The following RSRC1 variants were observed in gnomAD, a reference collection of about 807,000 sequenced individuals.
The protein encoded by RSRC1 is arginine and serine rich coiled-coil 1.
A neutral mutation model predicts 49.1 loss-of-function variants in RSRC1; 39 were observed. The observed-to-expected ratio is 0.79, with a 90% CI of 0.61 to 1.04. The LOEUF (loss-of-function observed/expected upper bound fraction) is 1.04, where lower values mean the gene tolerates loss of function less well. RSRC1 is among the 50% of genes least tolerant of loss of function. The probability of loss-of-function intolerance (pLI) is 0.00; values close to 1 mark genes in which losing one functional copy is unlikely to be tolerated. For synonymous variants in RSRC1, 143 were observed against 130.8 expected (o/e 1.09, Z -0.63); for missense variants, 388 against 402.4 (o/e 0.96, Z 0.31).
intron 4 of RSRC1, among the ~76,000 whole-genome samples, chr3:158,297,643 A>G (rs1727310765): frequency 6.6e-6 from 1 of 151,982 alleles, no homozygotes; most frequent in African/African-American, 2.4e-5. Context: ...TGTGAGTTAT[A>G]GAATCTGGGT....
chr3:158,338,122 T>C (rs1730022009), intron 5 of RSRC1, among the ~76,000 whole-genome samples: 1 of 152,206 alleles, frequency 6.6e-6, no homozygotes, highest in Non-Finnish European at 1.5e-5. Context: ...GTTTCACCTT[T>C]ATAGTTTAAC....
intron 6 of RSRC1, among the ~76,000 whole-genome samples, chr3:158,385,909 G>A (rs370910393): frequency 6.6e-5 from 10 of 152,100 alleles, no homozygotes; most frequent in African/African-American, 1.9e-4. Context: ...AGTCATTGTC[G>A]TTATCATAGA....
intron 6 of RSRC1, among the ~76,000 whole-genome samples, chr3:158,393,179 A>AT (rs1372344959): frequency 6.6e-6 from 1 of 152,158 alleles, no homozygotes; most frequent in Non-Finnish European, 1.5e-5. Flanking sequence ...TGTTAAGAGG[A>AT]AAGTTTATAG....
intron 3 of RSRC1, among the ~76,000 whole-genome samples, chr3:158,185,632 G>A (rs1197233515): frequency 2.6e-5 from 4 of 151,804 alleles, no homozygotes; most frequent in Non-Finnish European, 4.4e-5. Context: ...TCAGACTTAT[G>A]AGTGTCCATG....
At chr3:158,282,271 C>G (rs1726225452) in intron 4 of RSRC1, among the ~76,000 whole-genome samples, 1 of 152,202 alleles carries the variant, frequency 6.6e-6, no homozygotes, top group African/African-American at 2.4e-5. Context: ...ACCTTGGTAT[C>G]CACAGATTTA....
At chr3:158,428,421 A>G (rs1401378770) in intron 6 of RSRC1, among the ~76,000 whole-genome samples, 3 of 151,810 alleles carry the variant, frequency 2.0e-5, no homozygotes, top group Non-Finnish European at 4.4e-5. Flanking sequence ...GAGCTGAACA[A>G]CCTGACTCTG....
rs57257889 is a variant in RSRC1, at chr3:158,118,413, CTGTGTGTGTGTGTGTGTGTGTG to C, written c.-2-3661_-2-3640del. Among the ~76,000 whole-genome samples the C allele has an allele frequency of 2.1e-4, 19 of 90,134 alleles. 1 individual carries two copies. The highest frequency in any genetic ancestry group is 2.3e-4 in the African/African-American group (5 of 21,564). The allele number at this position is 90,134 out of a possible 152,430, so 59.1% of individuals were successfully genotyped here. On this transcript the variant is annotated intron_variant, in intron 1 of 9. Transcript: ENST00000611884. Reference sequence around the variant, plus strand: ...CATGCCTAGCTAAGTACCTGGCCTTCTGTGTGTGTGTGTGTGTGTGTGTGTGTGTGTGTGTGTGTGTGTGTGT... The same window carrying C: ...CATGCCTAGCTAAGTACCTGGCCTTCTGTGTGTGTGTGTGTGTGTGTGTGT...
At chr3:158,153,383 T>G (rs1002879723) in intron 3 of RSRC1, among the ~76,000 whole-genome samples, 1 of 152,172 alleles carries the variant, frequency 6.6e-6, no homozygotes, top group African/African-American at 2.4e-5. Flanking sequence ...CTTGAACTAT[T>G]TTAAAATTTT....
intron 6 of RSRC1, among the ~76,000 whole-genome samples, chr3:158,430,070 C>CAA (rs1288852986): frequency 8.4e-4 from 69 of 82,336 alleles, no homozygotes; most frequent in African/African-American, 3.8e-3. Context: ...AAACCACACA[C>CAA]ACAAAAAAAA....
At chr3:158,414,756 A>G (rs1734653260) in intron 6 of RSRC1, among the ~76,000 whole-genome samples, 7 of 152,096 alleles carry the variant, frequency 4.6e-5, no homozygotes. Flanking sequence ...ATTATCCATT[A>G]TTGAACTGGA....
intron 4 of RSRC1, among the ~76,000 whole-genome samples, chr3:158,218,752 C>T (rs945903490): frequency 2.0e-5 from 3 of 151,582 alleles, no homozygotes; most frequent in African/African-American, 7.3e-5. Flanking sequence ...GTAACCCAAG[C>T]AATATCTTCC....
At chr3:158,530,912 A>AC (rs1712356594) in intron 7 of RSRC1, among the ~76,000 whole-genome samples, 1 of 120,698 alleles carries the variant, frequency 8.3e-6, no homozygotes, top group Admixed American at 8.7e-5. Flanking sequence ...AAAATAATAA[A>AC]TAAAAAAAAA....
chr3:158,160,049 A>G (rs1251655211), intron 3 of RSRC1, among the ~76,000 whole-genome samples: 2 of 152,150 alleles, frequency 1.3e-5, no homozygotes, highest in Non-Finnish European at 2.9e-5. Context: ...TACTCACACT[A>G]CATTTGATGG....
chr3:158,452,026 T>C (rs772213302), intron 6 of RSRC1, among the ~76,000 whole-genome samples: 13 of 152,146 alleles, frequency 8.5e-5, no homozygotes, highest in East Asian at 1.9e-4. Context: ...TTTTGGATTT[T>C]CTGTGATTTT....
At chr3:158,517,609 T>G (rs1407933520) in intron 7 of RSRC1, among the ~76,000 whole-genome samples, 3 of 143,640 alleles carry the variant, frequency 2.1e-5, no homozygotes, top group Non-Finnish European at 4.6e-5. Flanking sequence ...TTTTTTTTTT[T>G]AGAGACAGGG....
chr3:158,175,979 G>A (rs1004617468), intron 3 of RSRC1, among the ~76,000 whole-genome samples: 1 of 151,700 alleles, frequency 6.6e-6, no homozygotes, highest in Non-Finnish European at 1.5e-5. Context: ...GCTTGATCAG[G>A]TCATTTAAGC....
intron 6 of RSRC1, among the ~76,000 whole-genome samples, chr3:158,366,599 C>G (rs1731783109): frequency 1.3e-5 from 2 of 152,190 alleles, no homozygotes; most frequent in African/African-American, 2.4e-5. Flanking sequence ...CAGCTTTGTT[C>G]TTTTTGCTTA....
rs192929844 is a variant in RSRC1, at chr3:158,273,196, C to T, written c.495-24843C>T. On this transcript the variant is annotated intron_variant, in intron 4 of 9. Transcript: ENST00000611884. ...TGTATAACTTATAAACCTGGAACTT[C>T]GTTTTATTAGTTCAGATAGTTTTTA... Among the ~76,000 whole-genome samples the T allele has an allele frequency of 1.3e-3, 191 of 152,090 alleles. 2 individuals carry two copies. The highest frequency in any genetic ancestry group is 4.3e-3 in the African/African-American group (177 of 41,520).
At chr3:158,356,774 T>C in intron 6 of RSRC1, among the ~76,000 whole-genome samples, 1 of 152,120 alleles carries the variant, frequency 6.6e-6, no homozygotes, top group East Asian at 1.9e-4. Flanking sequence ...TTTATGTTGC[T>C]TAGCACAGAA....
Sources: gnomAD v4.1 joint callset for allele counts (sites outside exome capture counted in the v4.1 genomes callset) on GRCh38, gnomAD v4.1.1 for gene constraint, MANE v1.5 for transcripts, NCBI Gene and HGNC (gene_info 2026-07-23, HGNC 2026-07-21) for gene names.